Variants in SYN3 observed in about 807,000 individuals in gnomAD.
SYN3 encodes synapsin-3.
A neutral mutation model predicts 65.8 loss-of-function variants in SYN3; 35 were observed. The observed-to-expected ratio is 0.53, with a 90% CI of 0.41 to 0.70. SYN3 has a LOEUF of 0.70. Among genes scored for constraint, SYN3 ranks in the 30% least tolerant of loss-of-function variants. SYN3 has a pLI of 0.00. For missense variants in SYN3, 680 were observed against 749.0 expected, an observed-to-expected ratio of 0.91 and a Z score of 1.08; for synonymous variants, 270 against 292.9, an observed-to-expected ratio of 0.92 and a Z score of 0.80.
chr22:32,818,945 C>T (rs534559088), intron 6 of SYN3, among the ~76,000 whole-genome samples: 4 of 152,312 alleles, frequency 2.6e-5, no homozygotes, highest in African/African-American at 9.6e-5. Flanking sequence ...AGCTACTCCT[C>T]GCCCCCTCCT....
intron 6 of SYN3, among the ~76,000 whole-genome samples, chr22:32,824,004 C>T (rs1045525579): frequency 7.9e-5 from 12 of 152,134 alleles, no homozygotes; most frequent in Non-Finnish European, 1.3e-4. Context: ...GCAGGCCAGG[C>T]GCGGTGACTC....
chr22:33,012,649 G>A (rs1166103249), intron 1 of SYN3, among the ~76,000 whole-genome samples: 1 of 152,234 alleles, frequency 6.6e-6, no homozygotes, highest in Admixed American at 6.5e-5. Context: ...CTGAGAGACA[G>A]ACAGAACCAT....
intron 1 of SYN3, among the ~76,000 whole-genome samples, chr22:33,021,424 A>G (rs1179311180): frequency 6.6e-6 from 1 of 152,118 alleles, no homozygotes; most frequent in Admixed American, 6.5e-5. Context: ...CCCCCATACA[A>G]TTGCTTTTTA....
chr22:32,945,203 T>C (rs1350445595), intron 3 of SYN3, among the ~76,000 whole-genome samples: 1 of 152,198 alleles, frequency 6.6e-6, no homozygotes, highest in African/African-American at 2.4e-5. Context: ...TTAAAGTTCA[T>C]ATGGAACCAA....
intron 1 of SYN3, chr22:33,014,254 GTA>G (rs1200718616): frequency 1.3e-5 from 2 of 152,116 alleles, no homozygotes; most frequent in Non-Finnish European, 2.9e-5. Context: ...TCCATCGTGT[GTA>G]TATATACCAC....
intron 4 of SYN3, among the ~76,000 whole-genome samples, chr22:32,900,339 G>C (rs1011729003): frequency 6.6e-6 from 1 of 152,184 alleles, no homozygotes; most frequent in African/African-American, 2.4e-5. Flanking sequence ...CAGCCCTGAA[G>C]GAATCCCTTA....
intron 3 of SYN3, among the ~76,000 whole-genome samples, chr22:32,961,220 C>A (rs1052911326): frequency 6.6e-6 from 1 of 152,176 alleles, no homozygotes; most frequent in African/African-American, 2.4e-5. Flanking sequence ...TGCCAAATGT[C>A]TCCTGTTGGG....
intron 6 of SYN3, among the ~76,000 whole-genome samples, chr22:32,756,147 C>A (rs1005868202): frequency 1.8e-4 from 28 of 151,904 alleles, no homozygotes; most frequent in African/African-American, 6.8e-4. Flanking sequence ...TGCAGCAAAC[C>A]ACCATGGCAC....
chr22:32,668,185 C>T (rs2060316337), intron 6 of SYN3, among the ~76,000 whole-genome samples: 1 of 152,298 alleles, frequency 6.6e-6, no homozygotes, highest in South Asian at 2.1e-4. Flanking sequence ...GAAAAATCAC[C>T]TCATAGATGC....
intron 4 of SYN3, among the ~76,000 whole-genome samples, chr22:32,895,052 G>C (rs1022108444): frequency 6.6e-6 from 1 of 152,196 alleles, no homozygotes; most frequent in Non-Finnish European, 1.5e-5. Flanking sequence ...GCTGATATGA[G>C]TGACTGAAGA....
intron 6 of SYN3, among the ~76,000 whole-genome samples, chr22:32,646,294 C>G (rs958257591): frequency 6.6e-6 from 1 of 152,312 alleles, no homozygotes; most frequent in East Asian, 1.9e-4. Context: ...TGTCTTGGAA[C>G]TAACTCAAGC....
chr22:32,797,592 C>T (rs894145090), intron 6 of SYN3, among the ~76,000 whole-genome samples: 3 of 152,104 alleles, frequency 2.0e-5, no homozygotes, highest in Admixed American at 6.6e-5. Context: ...AGCAGGTGAA[C>T]GCATAACTAC....
intron 6 of SYN3, among the ~76,000 whole-genome samples, chr22:32,696,440 A>G (rs929370721): frequency 6.6e-6 from 1 of 152,064 alleles, no homozygotes; most frequent in Admixed American, 6.5e-5. Context: ...GCCCATAGCC[A>G]TTTTCTAGTT....
intron 6 of SYN3, among the ~76,000 whole-genome samples, chr22:32,681,218 A>G (rs2060518099): frequency 7.7e-6 from 1 of 130,008 alleles, no homozygotes; most frequent in South Asian, 2.4e-4. Context: ...ACCTCCAGGG[A>G]TATTTGGCAA....
chr22:32,995,637 C>T (rs1275359381), intron 2 of SYN3, among the ~76,000 whole-genome samples: 1 of 151,926 alleles, frequency 6.6e-6, no homozygotes, highest in East Asian at 1.9e-4. Flanking sequence ...CTGCAGTCCT[C>T]ATGCCTTCGG....
At chr22:33,028,739 C>G (rs1044759577) in intron 1 of SYN3, among the ~76,000 whole-genome samples, 6 of 146,692 alleles carry the variant, frequency 4.1e-5, no homozygotes, top group Non-Finnish European at 9.1e-5. Flanking sequence ...AACTGAGCCT[C>G]TTTTAAGAAT....
chr22:32,700,763 A>G (rs1450685349), intron 6 of SYN3, among the ~76,000 whole-genome samples: 1 of 152,328 alleles, frequency 6.6e-6, no homozygotes, highest in Non-Finnish European at 1.5e-5. Flanking sequence ...AATAGGAAGC[A>G]GCCTCAGCCC....
chr22:32,872,936 CTTTTTTT>C (rs35506480), intron 4 of SYN3, among the ~76,000 whole-genome samples: 5 of 115,200 alleles, frequency 4.3e-5, no homozygotes, highest in African/African-American at 7.0e-5. Flanking sequence ...GCCCTAAGCA[CTTTTTTT>C]TTTTTTTTTT....
At chr22:33,050,364 T>A (rs2054143032) in intron 1 of SYN3, among the ~76,000 whole-genome samples, 4 of 150,996 alleles carry the variant, frequency 2.6e-5, no homozygotes, top group Non-Finnish European at 1.5e-5. Context: ...ACGTCAGTAG[T>A]CCCAGCTACT....
Sources: gnomAD v4.1 joint callset for allele counts (sites outside exome capture counted in the v4.1 genomes callset) on GRCh38, gnomAD v4.1.1 for gene constraint, MANE v1.5 for transcripts, NCBI Gene and HGNC (gene_info 2026-07-23, HGNC 2026-07-21) for gene names.